ATP8A2: variants seen among roughly 807,000 people sequenced by gnomAD.
ATP8A2 encodes phospholipid-transporting ATPase IB.
A neutral mutation model predicts 165.6 loss-of-function variants in ATP8A2; 100 were observed. The ratio of observed to expected loss-of-function variants is 0.60; its 90% CI spans 0.51 to 0.71. The LOEUF is 0.71. Among genes scored for constraint, ATP8A2 ranks in the 30% least tolerant of loss-of-function variants. The probability of loss-of-function intolerance (pLI) is 0.00; values close to 1 mark genes in which losing one functional copy is unlikely to be tolerated. For synonymous variants in ATP8A2, 543 were observed against 548.8 expected (o/e 0.99, Z 0.15); for missense variants, 1,227 against 1,479.5 (o/e 0.83, Z 2.80).
chr13:25,702,016 A>G (rs2042961877), intron 25 of ATP8A2, among the ~76,000 whole-genome samples: 1 of 152,160 alleles, frequency 6.6e-6, no homozygotes, highest in Admixed American at 6.5e-5. Flanking sequence ...AAAAATCAAC[A>G]TGTACTTAAA....
At chr13:25,427,328 A>T (rs1003948733) in intron 1 of ATP8A2, among the ~76,000 whole-genome samples, 9 of 151,238 alleles carry the variant, frequency 6.0e-5, no homozygotes, top group African/African-American at 1.9e-4. Flanking sequence ...CCCAGATGGG[A>T]CCATCTAGTT....
intron 2 of ATP8A2, among the ~76,000 whole-genome samples, chr13:25,478,333 C>G (rs1436816559): frequency 1.3e-5 from 2 of 152,130 alleles, no homozygotes; most frequent in Admixed American, 6.5e-5. Flanking sequence ...CAGAAAGTTG[C>G]ATCTAAGTGT....
In ATP8A2 at chr13:25,659,104, A is replaced by G. The variant is rs73171916; in HGVS notation, c.2212-40069A>G. Among the ~76,000 whole-genome samples, 513 of 152,318 alleles carry G rather than the reference A, an allele frequency of 3.4e-3. 3 individuals are homozygous for G. Among genetic ancestry groups the G allele is most frequent in the Middle Eastern group, 0.017 (5 of 294 alleles). The stretch of plus-strand genomic sequence containing the variant: ...AGCTGCCTAAGAAATCGTCTCCCTC[A>G]GAAGGTTATGTATGTGCAAGCTCTT... On this transcript the variant is annotated intron_variant, in intron 24 of 36. Transcript: ENST00000381655.
At chr13:25,731,346 A>G (rs1218820118) in intron 25 of ATP8A2, among the ~76,000 whole-genome samples, 1 of 134,814 alleles carries the variant, frequency 7.4e-6, no homozygotes, top group African/African-American at 2.9e-5. Flanking sequence ...GGGAAAGAAG[A>G]AAGAAGGAAA....
At position 25,769,133 on chromosome 13, in the gene ATP8A2, C is replaced by T. The variant is rs752306322; in HGVS notation, c.2472C>T (p.Asn824=). Residue 824 remains asparagine (N), a synonymous_variant, in exon 26 of 37, where the codon AAC becomes AAT. Transcript: ENST00000381655. ...CCCTCGCCATCGGAGACGGCGCCAA[C>T]GATGTCGGGATGATCCAGACAGCCC... ...AITLAIGDGA[N]DVGMIQTAHV... 1.1e-5 allele frequency: 18 copies of T among 1,614,138 alleles called. No individual in the cohort carries two copies. Among genetic ancestry groups the T allele is most frequent in the African/African-American group, 2.7e-5 (2 of 75,034 alleles).
chr13:25,548,464 T>C (rs986106394), intron 10 of ATP8A2, among the ~76,000 whole-genome samples: 2 of 152,208 alleles, frequency 1.3e-5, no homozygotes, highest in Admixed American at 1.3e-4. Context: ...AAATGGGGTA[T>C]AGAAATGAGG....
intron 1 of ATP8A2, among the ~76,000 whole-genome samples, chr13:25,458,444 G>A (rs1180165989): frequency 1.3e-5 from 2 of 152,140 alleles, no homozygotes; most frequent in African/African-American, 4.8e-5. Context: ...TAAACTCTTG[G>A]GCTCAAGCAA....
At chr13:25,902,618 T>C (rs535022600) in intron 33 of ATP8A2, among the ~76,000 whole-genome samples, 2 of 151,054 alleles carry the variant, frequency 1.3e-5, no homozygotes, top group Non-Finnish European at 2.9e-5. Context: ...CCATTCTGCG[T>C]GTGTGTATGC....
intron 27 of ATP8A2, among the ~76,000 whole-genome samples, chr13:25,789,476 A>G (rs2045112569): frequency 6.6e-6 from 1 of 152,184 alleles, no homozygotes; most frequent in African/African-American, 2.4e-5. Flanking sequence ...AATCGGGAAA[A>G]CAATGTCATT....
At chr13:25,826,420 T>A (rs1951314577) in intron 27 of ATP8A2, among the ~76,000 whole-genome samples, 1 of 152,196 alleles carries the variant, frequency 6.6e-6, no homozygotes, top group Non-Finnish European at 1.5e-5. Flanking sequence ...GGCATTTAAT[T>A]TGATCTCACG....
At chr13:26,009,237 T>A (rs926148479) in intron 35 of ATP8A2, among the ~76,000 whole-genome samples, 12 of 152,182 alleles carry the variant, frequency 7.9e-5, no homozygotes, top group Non-Finnish European at 1.5e-4. Context: ...ATGTGAAAGT[T>A]ACAAATCAAG....
At chr13:25,579,968 C>A in intron 22 of ATP8A2, 21 bp downstream of exon 22, 1 of 1,612,122 alleles carries the variant, frequency 6.2e-7, no homozygotes, top group Non-Finnish European at 8.5e-7. Context: ...ACAATACAGT[C>A]TTTTCAGCTC....
At chr13:26,017,693 C>G (rs1038776481) in intron 36 of ATP8A2, among the ~76,000 whole-genome samples, 19 of 152,344 alleles carry the variant, frequency 1.2e-4, no homozygotes, top group African/African-American at 4.1e-4. Context: ...TGTGAAAACT[C>G]TAAAGCCCTG....
intron 1 of ATP8A2, among the ~76,000 whole-genome samples, chr13:25,391,111 T>C (rs1332406309): frequency 6.6e-6 from 1 of 152,074 alleles, no homozygotes; most frequent in Non-Finnish European, 1.5e-5. Flanking sequence ...AATGGGATAA[T>C]TGGAGGTAAA....
At chr13:25,738,349 C>CA (rs1566092281) in intron 25 of ATP8A2, among the ~76,000 whole-genome samples, 3 of 101,734 alleles carry the variant, frequency 2.9e-5, no homozygotes, top group Non-Finnish European at 7.2e-5. Context: ...CTCCCCCCCC[C>CA]CCACACACAC....
rs895671040 is a variant in ATP8A2, at chr13:25,564,053, G to C, written c.1473+22G>C. Reference sequence around the variant, plus strand: ...CCATGTAAGTGCTCTGTTTTACTTCGAAGACAGCAAACAGCTTACGGTGCA... The same window carrying C: ...CCATGTAAGTGCTCTGTTTTACTTCCAAGACAGCAAACAGCTTACGGTGCA... On this transcript the variant is annotated intron_variant, in intron 16 of 36. Transcript: ENST00000381655. The C allele has an allele frequency of 3.8e-6, 6 of 1,562,918 alleles. No homozygotes were observed. The South Asian group carries it at 5.6e-5, about 14-fold the overall frequency.
chr13:25,895,949 G>A (rs552504849), intron 33 of ATP8A2, among the ~76,000 whole-genome samples: 21 of 151,992 alleles, frequency 1.4e-4, no homozygotes, highest in South Asian at 4.2e-4. Context: ...TCTTGCTAGC[G>A]GTCTATCAAT....
At chr13:25,936,670 G>A (rs1388887106) in intron 33 of ATP8A2, among the ~76,000 whole-genome samples, 1 of 152,170 alleles carries the variant, frequency 6.6e-6, no homozygotes, top group Non-Finnish European at 1.5e-5. Flanking sequence ...AGGAATCATC[G>A]GAAGACAGTT....
At chr13:25,482,015 C>T (rs763206750) in intron 2 of ATP8A2, among the ~76,000 whole-genome samples, 1 of 152,172 alleles carries the variant, frequency 6.6e-6, no homozygotes, top group Non-Finnish European at 1.5e-5. Flanking sequence ...ACCACCCACC[C>T]TTCCCATTAA....
Sources: gnomAD v4.1 joint callset for allele counts (sites outside exome capture counted in the v4.1 genomes callset) on GRCh38, gnomAD v4.1.1 for gene constraint, MANE v1.5 for transcripts, NCBI Gene and HGNC (gene_info 2026-07-23, HGNC 2026-07-21) for gene names.